The following KCNN2 variants were observed in gnomAD, a reference collection of about 807,000 sequenced individuals.
KCNN2 encodes small conductance calcium-activated potassium channel protein 2.
In KCNN2, 24 loss-of-function variants were observed where a neutral mutation model predicts 55.5. The observed-to-expected ratio is 0.43, with a 90% CI of 0.31 to 0.61. The LOEUF (loss-of-function observed/expected upper bound fraction) is 0.61, where lower values mean the gene tolerates loss of function less well. Ranked by LOEUF, KCNN2 falls within the 20% of genes least tolerant of loss-of-function variation. The pLI, the probability that KCNN2 is intolerant of heterozygous loss-of-function variation, is 0.08. For synonymous variants in KCNN2, 431 were observed against 336.1 expected, an observed-to-expected ratio of 1.28 and a Z score of -3.09; for missense variants, 754 against 853.6, an observed-to-expected ratio of 0.88 and a Z score of 1.45.
At chr5:114,294,896 C>T (rs2150019649) in intron 2 of KCNN2, among the ~76,000 whole-genome samples, 1 of 152,286 alleles carries the variant, frequency 6.6e-6, no homozygotes, top group Non-Finnish European at 1.5e-5. Context: ...GTTAGCTCTT[C>T]TTGTTGAATT....
chr5:114,291,525 T>C (rs569054083), intron 2 of KCNN2, among the ~76,000 whole-genome samples: 7 of 151,724 alleles, frequency 4.6e-5, no homozygotes, highest in African/African-American at 1.7e-4. Flanking sequence ...GAACTTGTCA[T>C]TTTTTATGGC....
intron 3 of KCNN2, among the ~76,000 whole-genome samples, chr5:114,407,317 C>T (rs1758965354): frequency 6.6e-6 from 1 of 151,936 alleles, no homozygotes; most frequent in African/African-American, 2.4e-5. Context: ...TGTTTTTGCT[C>T]TATATATGGA....
chr5:114,179,852 T>A (rs1753205923), intron 1 of KCNN2, among the ~76,000 whole-genome samples: 1 of 152,214 alleles, frequency 6.6e-6, no homozygotes, highest in South Asian at 2.1e-4. Flanking sequence ...TGATAGAGAC[T>A]ATGCAAAGAA....
At chr5:114,357,727 C>T (rs1757322773), upstream of KCNN2, among the ~76,000 whole-genome samples, 1 of 133,394 alleles carries the variant, frequency 7.5e-6, no homozygotes, top group African/African-American at 2.9e-5. Context: ...GGTTCCAAGT[C>T]TTTGCTATTG....
At chr5:114,323,667 T>TTTTTTTTTTTTTTG (rs59586293) in intron 2 of KCNN2, among the ~76,000 whole-genome samples, 1 of 140,378 alleles carries the variant, frequency 7.1e-6, no homozygotes, top group African/African-American at 2.7e-5. Flanking sequence ...TTTTTTTTTT[T>TTTTTTTTTTTTTTG]GCTGGTCGGG....
At chr5:114,217,746 A>T (rs541459889) in intron 1 of KCNN2, among the ~76,000 whole-genome samples, 56 of 152,292 alleles carry the variant, frequency 3.7e-4, no homozygotes, top group African/African-American at 1.3e-3. Context: ...GAAAGAATTG[A>T]TAAGCTGGAC....
At chr5:114,479,585 G>C (rs940605424) in intron 5 of KCNN2, among the ~76,000 whole-genome samples, 2 of 151,544 alleles carry the variant, frequency 1.3e-5, no homozygotes, top group Non-Finnish European at 1.5e-5. Flanking sequence ...ACATTGTTCT[G>C]ATCGCTATGT....
At chr5:114,339,734 T>G (rs1240744629) in intron 2 of KCNN2, among the ~76,000 whole-genome samples, 1 of 151,830 alleles carries the variant, frequency 6.6e-6, no homozygotes, top group Non-Finnish European at 1.5e-5. Context: ...GCCCAGGAGG[T>G]GGAAGTTGCT....
intron 1 of KCNN2, among the ~76,000 whole-genome samples, chr5:114,160,603 G>A (rs1348014404): frequency 6.6e-6 from 1 of 152,120 alleles, no homozygotes; most frequent in Non-Finnish European, 1.5e-5. Flanking sequence ...TGACAGTGGG[G>A]TGTTAAAGTC....
chr5:114,194,356 C>G (rs540353920), intron 1 of KCNN2, among the ~76,000 whole-genome samples: 13 of 152,024 alleles, frequency 8.6e-5, no homozygotes, highest in Non-Finnish European at 1.6e-4. Context: ...ATTTTGCCTA[C>G]CCTTAATGTT....
intron 1 of KCNN2, among the ~76,000 whole-genome samples, chr5:114,171,939 AG>A (rs1227804599): frequency 6.6e-6 from 1 of 151,890 alleles, no homozygotes; most frequent in Non-Finnish European, 1.5e-5. Context: ...CCCAGTTTTC[AG>A]GGTGTATAGT....
At chr5:114,494,475 C>T (rs1238222890) in intron 7 of KCNN2, among the ~76,000 whole-genome samples, 1 of 150,922 alleles carries the variant, frequency 6.6e-6, no homozygotes, top group Non-Finnish European at 1.5e-5. Context: ...GGACAGCACA[C>T]ATATAAAAAG....
intron 3 of KCNN2, among the ~76,000 whole-genome samples, chr5:114,443,117 C>A (rs1760277180): frequency 1.3e-5 from 2 of 151,890 alleles, no homozygotes; most frequent in South Asian, 2.1e-4. Context: ...ATGGTGAAAC[C>A]CTGTCTTTGC....
chr5:114,158,832 G>T (rs1752699240), intron 1 of KCNN2, among the ~76,000 whole-genome samples: 1 of 152,128 alleles, frequency 6.6e-6, no homozygotes. Flanking sequence ...AAGAATGCTT[G>T]TGATTTTTGC....
intron 1 of KCNN2, among the ~76,000 whole-genome samples, chr5:114,098,071 A>G (rs1751298800): frequency 6.6e-6 from 1 of 151,732 alleles, no homozygotes; most frequent in Admixed American, 6.6e-5. Flanking sequence ...TCTCTTTTCT[A>G]GTTTCTAGAG....
intron 1 of KCNN2, among the ~76,000 whole-genome samples, chr5:114,079,854 A>T (rs1292693639): frequency 2.3e-4 from 35 of 151,674 alleles, no homozygotes; most frequent in African/African-American, 6.8e-4. Context: ...TGAGAGAGAG[A>T]GAGAGAGAGA....
At chr5:114,424,302 A>G (rs570287637) in intron 3 of KCNN2, among the ~76,000 whole-genome samples, 5 of 152,326 alleles carry the variant, frequency 3.3e-5, no homozygotes, top group African/African-American at 1.2e-4. Context: ...AGATGAGCAC[A>G]CATCAGAAGC....
chr5:114,211,528 AAG>A (rs1753885628), intron 1 of KCNN2, among the ~76,000 whole-genome samples: 1 of 152,022 alleles, frequency 6.6e-6, no homozygotes, highest in South Asian at 2.1e-4. Flanking sequence ...CATGGACACA[AAG>A]AGGGGAACAA....
intron 1 of KCNN2, among the ~76,000 whole-genome samples, chr5:114,195,356 A>C (rs954779657): frequency 4.6e-5 from 7 of 151,812 alleles, no homozygotes; most frequent in African/African-American, 1.7e-4. Context: ...GATTTTCTTT[A>C]ATTTCTTTTA....
Sources: allele counts gnomAD v4.1 joint callset (sites outside exome capture counted in the v4.1 genomes callset), GRCh38; gene constraint gnomAD v4.1.1; transcripts MANE v1.5; gene names NCBI Gene and HGNC (gene_info 2026-07-23, HGNC 2026-07-21).